MICAL2: variants seen among roughly 807,000 people sequenced by gnomAD.
The protein encoded by MICAL2 is [F-actin]-monooxygenase MICAL2.
Under a neutral mutation model 127.3 loss-of-function variants are expected in MICAL2, and 77 were observed. That is an observed-to-expected ratio of 0.60 (90% confidence interval 0.50 to 0.73). The LOEUF (loss-of-function observed/expected upper bound fraction) is 0.73. MICAL2 is among the 30% of genes least tolerant of loss of function. The probability of loss-of-function intolerance (pLI) is 0.00; values close to 1 mark genes in which losing one functional copy is unlikely to be tolerated. For synonymous variants in MICAL2, 570 were observed against 551.1 expected, an observed-to-expected ratio of 1.03 and a Z score of -0.48; for missense variants, 1,351 against 1,434.4, an observed-to-expected ratio of 0.94 and a Z score of 0.94.
At chr11:12,180,862 A>G (rs529384215) in intron 3 of MICAL2, among the ~76,000 whole-genome samples, 21 of 149,448 alleles carry the variant, frequency 1.4e-4, no homozygotes, top group African/African-American at 4.6e-4. Flanking sequence ...TCAACAGTTG[A>G]TCTTGGGTGA....
chr11:12,111,739 C>T (rs1203469875), intron 1 of MICAL2, among the ~76,000 whole-genome samples: 1 of 152,246 alleles, frequency 6.6e-6, no homozygotes, highest in Non-Finnish European at 1.5e-5. Context: ...GATGAAGTCA[C>T]CAGCCAGGCC....
At chr11:12,208,881 T>C (rs1309308222) in intron 5 of MICAL2, among the ~76,000 whole-genome samples, 1 of 152,214 alleles carries the variant, frequency 6.6e-6, no homozygotes, top group Non-Finnish European at 1.5e-5. Context: ...CTGCCCAGAT[T>C]ATTTGAGAAT....
intron 3 of MICAL2, among the ~76,000 whole-genome samples, chr11:12,170,932 A>ACATT (rs1856172415): frequency 1.3e-5 from 2 of 152,204 alleles, no homozygotes; most frequent in African/African-American, 4.8e-5. Flanking sequence ...ACAGGGATAG[A>ACATT]GGAGCGAACT....
At chr11:12,195,024 G>C (rs568453875) in intron 3 of MICAL2, among the ~76,000 whole-genome samples, 1 of 152,298 alleles carries the variant, frequency 6.6e-6, no homozygotes, top group South Asian at 2.1e-4. Flanking sequence ...CAGCACTTTG[G>C]GAGGCTGAGG....
downstream of MICAL2, among the ~76,000 whole-genome samples, chr11:12,267,567 C>T (rs1336721451): frequency 6.6e-6 from 1 of 152,146 alleles, no homozygotes; most frequent in African/African-American, 2.4e-5. Flanking sequence ...CTTCTCCCTT[C>T]ACCCCTCAAC....
intron 29 of MICAL2, among the ~76,000 whole-genome samples, chr11:12,304,645 C>CACACACAT (rs1466124781): frequency 0.011 from 1,125 of 103,420 alleles, 25 homozygotes; most frequent in African/African-American, 0.024. Flanking sequence ...CAAACACACA[C>CACACACAT]ACACACACAC....
intron 29 of MICAL2, among the ~76,000 whole-genome samples, chr11:12,304,837 T>A (rs769513059): frequency 2.6e-5 from 4 of 152,346 alleles, no homozygotes; most frequent in Admixed American, 2.6e-4. Flanking sequence ...TGTGGTTTTA[T>A]AATAAATCGT....
rs558306846 is a variant in MICAL2 at position 12,224,896 on chromosome 11, A to G, written c.1688+76A>G. Reference sequence around the variant, plus strand: ...TTCTGCTGCATGCAGAATCTTCATTACTTGGTTCAATATTTCTCTTTCTGT... The same window carrying G: ...TTCTGCTGCATGCAGAATCTTCATTGCTTGGTTCAATATTTCTCTTTCTGT... On this transcript the variant is annotated intron_variant, in intron 13 of 27. Coordinates refer to ENST00000683283, the MANE Select transcript of MICAL2 (RefSeq NM_001282663.2). 6.7e-6 allele frequency: 10 copies of G among 1,500,434 alleles called. No individual in the cohort carries two copies. The South Asian group carries it at 1.2e-4, about 18-fold the overall frequency. 92.9% of individuals were successfully genotyped at this position (1,500,434 alleles called of 1,614,324 possible).
At chr11:12,301,918 A>T (rs1316120789) in intron 29 of MICAL2, among the ~76,000 whole-genome samples, 3 of 152,224 alleles carry the variant, frequency 2.0e-5, no homozygotes, top group Admixed American at 2.0e-4. Context: ...TATGTCTCAA[A>T]CGGACAGAGA....
intron 29 of MICAL2, among the ~76,000 whole-genome samples, chr11:12,311,200 G>A (rs1458427491): frequency 6.6e-6 from 1 of 151,978 alleles, no homozygotes; most frequent in Non-Finnish European, 1.5e-5. Context: ...AACTGCTCTG[G>A]CTAGGACTAT....
chr11:12,315,977 C>T (rs1369445616), intron 29 of MICAL2, among the ~76,000 whole-genome samples: 1 of 152,018 alleles, frequency 6.6e-6, no homozygotes, highest in Non-Finnish European at 1.5e-5. Context: ...ATCAAGTGTG[C>T]ACATATTTAA....
intron 29 of MICAL2, among the ~76,000 whole-genome samples, chr11:12,317,288 G>A (rs540232548): frequency 5.9e-5 from 9 of 152,282 alleles, no homozygotes; most frequent in Admixed American, 2.0e-4. Context: ...TAGGCAGAAA[G>A]TTACTGTGAT....
At chr11:12,219,039 C>T (rs1160244725) in intron 8 of MICAL2, among the ~76,000 whole-genome samples, 1 of 152,162 alleles carries the variant, frequency 6.6e-6, no homozygotes, top group Non-Finnish European at 1.5e-5. Context: ...TTGATATTCC[C>T]TTTTTACAGA....
intron 1 of MICAL2, among the ~76,000 whole-genome samples, chr11:12,127,528 G>C (rs1415666900): frequency 1.3e-5 from 2 of 152,218 alleles, no homozygotes; most frequent in East Asian, 3.9e-4. Flanking sequence ...GGTGTGTGCT[G>C]CATGGAGAGG....
chr11:12,173,577 G>T (rs1456622088), intron 3 of MICAL2, among the ~76,000 whole-genome samples: 4 of 152,174 alleles, frequency 2.6e-5, no homozygotes, highest in Admixed American at 6.5e-5. Context: ...ATTTCTAGGT[G>T]TACAATTAAT....
chr11:12,111,850 C>T (rs1849632732), intron 1 of MICAL2, among the ~76,000 whole-genome samples: 1 of 152,204 alleles, frequency 6.6e-6, no homozygotes, highest in African/African-American at 2.4e-5. Context: ...TCCTGCTCCC[C>T]CTCCCCAGTG....
rs1032813789 is a variant in MICAL2 at position 12,173,486 on chromosome 11, A to G, written c.264+11067A>G. Among the ~76,000 whole-genome samples the G allele has an allele frequency of 4.6e-5, 7 of 152,324 alleles. No homozygotes were observed. The South Asian group carries it at 1.4e-3, about 32-fold the overall frequency. Reference sequence around the variant, plus strand: ...TAGCTTTAAGAGAATGAGCTCTTGCATTTACTCTTTGCCCCTGGCATTCCC... The same window carrying G: ...TAGCTTTAAGAGAATGAGCTCTTGCGTTTACTCTTTGCCCCTGGCATTCCC... On this transcript the variant is annotated intron_variant, in intron 3 of 27. Transcript: ENST00000683283.
chr11:12,321,970 T>C (rs552855348), intron 30 of MICAL2, among the ~76,000 whole-genome samples: 1 of 152,174 alleles, frequency 6.6e-6, no homozygotes, highest in Admixed American at 6.5e-5. Context: ...AAAGGCAGTA[T>C]AGACCAAATG....
chr11:12,277,985 T>C (rs1182852634), intron 1 of MICAL2, among the ~76,000 whole-genome samples: 2 of 152,140 alleles, frequency 1.3e-5, no homozygotes, highest in Non-Finnish European at 2.9e-5. Context: ...ATAGAAAAGG[T>C]ACAGTAAAAA....
Sources: gnomAD v4.1 joint callset for allele counts (sites outside exome capture counted in the v4.1 genomes callset) on GRCh38, gnomAD v4.1.1 for gene constraint, MANE v1.5 for transcripts, NCBI Gene and HGNC (gene_info 2026-07-23, HGNC 2026-07-21) for gene names.